SBNO1: variants seen among roughly 807,000 people sequenced by gnomAD.
The protein encoded by SBNO1 is protein strawberry notch homolog 1.
A neutral mutation model predicts 173.6 loss-of-function variants in SBNO1; 23 were observed. That is an observed-to-expected ratio of 0.13 (90% CI 0.10 to 0.19). SBNO1 has a LOEUF of 0.19. SBNO1 is among the 10% of genes least tolerant of loss of function. The pLI, the probability that SBNO1 is intolerant of heterozygous loss-of-function variation, is 1.00. For missense variants in SBNO1, 1,238 were observed against 1,671.2 expected, an observed-to-expected ratio of 0.74 and a Z score of 4.52; for synonymous variants, 632 against 571.5, an observed-to-expected ratio of 1.11 and a Z score of -1.51.
At chr12:123,360,898 G>A (rs1179391698) in intron 1 of SBNO1, among the ~76,000 whole-genome samples, 1 of 151,964 alleles carries the variant, frequency 6.6e-6, no homozygotes, top group African/African-American at 2.4e-5. Context: ...AGATCACGAG[G>A]TCAGGAGATC....
In SBNO1 at chr12:123,350,397, C is replaced by G. The variant is rs1225016162; in HGVS notation, c.45G>C (p.Glu15Asp). Residue 15 changes from glutamate to aspartate, a missense_variant, in exon 2 of 32, where the codon GAG becomes GAC. Transcript: ENST00000602398. ...AGAGGTCATTCGGACTAATTCCACTCTCACTCAAAGCAGCAAGCAGTAAAT... is the reference window on the plus strand; with the variant it reads ...AGAGGTCATTCGGACTAATTCCACTGTCACTCAAAGCAGCAAGCAGTAAAT... ...GQDLLLAALSESGISPNDLFD... is the reference protein window; with the variant it reads ...GQDLLLAALSDSGISPNDLFD... 6.2e-6 allele frequency: 10 copies of G among 1,613,986 alleles called. No individual in the cohort carries two copies. In the Admixed American group the frequency reaches 1.7e-4, roughly 27 times the overall value.
rs886226843 is a variant in SBNO1 at position 123,323,716 on chromosome 12, T to C, written c.2089A>G (p.Ser697Gly). The C allele has an allele frequency of 1.9e-6, 3 of 1,611,190 alleles. No individual in the cohort carries two copies. The highest frequency in any genetic ancestry group is 2.5e-6 in the Non-Finnish European group (3 of 1,179,210). ...APSNNSSPRDSPCKENKIKKR... is the reference protein window; with the variant it reads ...APSNNSSPRDGPCKENKIKKR... ...TTTATTTTATTTTCTTTACAAGGAC[T>C]ATCTCTTGGCGAACTGTTGTTACTT... The change falls in exon 16 of 32, where the codon AGT becomes GGT. Residue 697 changes from serine to glycine, a missense_variant. By Grantham distance (56) the Ser-to-Gly change is moderately conservative. Coordinates refer to ENST00000602398, the MANE Select transcript of SBNO1 (RefSeq NM_001167856.3).
rs1250443574 is a variant in SBNO1 at position 123,290,585 on chromosome 12, AAGGGTGG to A, written c.*5316_*5322del. 3 of 152,080 alleles carry A rather than the reference AAGGGTGG, an allele frequency of 2.0e-5. No homozygotes were observed. Among genetic ancestry groups the A allele is most frequent in the Non-Finnish European group, 4.4e-5 (3 of 68,014 alleles). 9.4% of individuals were successfully genotyped at this position (152,080 alleles called of 1,614,324 possible). On this transcript the variant is annotated 3_prime_UTR_variant, in exon 32 of 32. Coordinates refer to ENST00000602398, the MANE Select transcript of SBNO1 (RefSeq NM_001167856.3). ...GTAGACAAGATCCACTCACCGATAC[AAGGGTGG>A]AGAGCACAGCCGTTCAGGGTACCCC... is the stretch of plus-strand genomic sequence containing the variant.
intron 4 of SBNO1, among the ~76,000 whole-genome samples, chr12:123,343,675 T>G (rs2139049423): frequency 6.6e-6 from 1 of 152,020 alleles, no homozygotes; most frequent in South Asian, 2.1e-4. Flanking sequence ...GTAGCTGGAA[T>G]TACAGGTGCC....
Position 123,290,695 on chromosome 12 carries a change from T to C in SBNO1, c.*5213A>G, listed in dbSNP as rs1239648444. 1 of 152,116 alleles carries C rather than the reference T, an allele frequency of 6.6e-6. No homozygotes were observed. The highest frequency in any genetic ancestry group is 2.1e-4 in the South Asian group (1 of 4,834). The allele number at this position is 152,116 out of a possible 1,614,324, so 9.4% of individuals were successfully genotyped here. ...GCCTAGGAGGCTCCAGAGCAGTTGC[T>C]TGGCTCTCTTTTGGAGGACAATTGT... On this transcript the variant is annotated 3_prime_UTR_variant, in exon 32 of 32. Transcript: ENST00000602398.
At chr12:123,337,794 C>T (rs1434434487) in intron 5 of SBNO1, among the ~76,000 whole-genome samples, 2 of 152,234 alleles carry the variant, frequency 1.3e-5, no homozygotes, top group Middle Eastern at 3.4e-3. Flanking sequence ...CCACCCCCAC[C>T]GTCTAACCCT....
chr12:123,354,390 T>C (rs559395537), intron 1 of SBNO1, among the ~76,000 whole-genome samples: 16 of 152,232 alleles, frequency 1.1e-4, no homozygotes, highest in Admixed American at 6.6e-5. Context: ...TGAAAGAGAT[T>C]TTAATCCTAA....
chr12:123,326,329 G>T lies in SBNO1; in HGVS notation c.1698C>A (p.Val566=). 6.3e-7 allele frequency: 1 copy of T among 1,590,728 alleles called. No individual in the cohort carries two copies. Among genetic ancestry groups the T allele is most frequent in the South Asian group, 1.1e-5 (1 of 87,222 alleles). ...CTTGCTGAAACCGCTCTCTGGCGAT[G>T]ACCCACTGAAGATACATAATCAACA... The part of the protein sequence containing the change: ...KMYNKAVKLW[V]IARERFQQAA... The change falls in exon 14 of 32, where the codon GTC becomes GTA. Residue 566 remains valine (V), a synonymous_variant. Transcript: ENST00000602398.
At chr12:123,317,165 T>C (rs1333419992) in intron 21 of SBNO1, 56 bp downstream of exon 21, 1 of 1,595,916 alleles carries the variant, frequency 6.3e-7, no homozygotes, top group African/African-American at 1.3e-5. Context: ...ATGCGCAAAT[T>C]TACCCCAATG....
chr12:123,334,753 G>C (rs958636504), intron 6 of SBNO1, among the ~76,000 whole-genome samples: 4 of 146,558 alleles, frequency 2.7e-5, no homozygotes, highest in South Asian at 4.3e-4. Flanking sequence ...ATAAAATAGA[G>C]ATTTGCTGAT....
rs1593344904 is a variant in SBNO1 at position 123,313,237 on chromosome 12, TA to T, written c.3220+382del. 5.5e-5 allele frequency among the ~76,000 whole-genome samples: 8 copies of T among 146,182 alleles called. No individual in the cohort carries two copies. The East Asian group carries it at 1.4e-3, about 25-fold the overall frequency. ...ATAAATAAATAAATAAATAAATAAATAAATAAATAAATAAATAATTTTTAAA... is the reference window on the plus strand; with the variant it reads ...ATAAATAAATAAATAAATAAATAAATAATAAATAAATAAATAATTTTTAAA... On this transcript the variant is annotated intron_variant, in intron 24 of 31. Coordinates refer to ENST00000602398, the MANE Select transcript of SBNO1 (RefSeq NM_001167856.3).
intron 1 of SBNO1, among the ~76,000 whole-genome samples, chr12:123,363,432 G>A (rs1875631801): frequency 6.6e-6 from 1 of 152,116 alleles, no homozygotes; most frequent in African/African-American, 2.4e-5. Context: ...TCCTGCTAGG[G>A]CACTCCGGAT....
chr12:123,310,706 T>G (rs1222415087), intron 25 of SBNO1, among the ~76,000 whole-genome samples: 1 of 152,012 alleles, frequency 6.6e-6, no homozygotes, highest in Non-Finnish European at 1.5e-5. Flanking sequence ...GGCTAATTTT[T>G]GTATTTTTAG....
At chr12:123,322,170 T>A (rs1021885130) in intron 16 of SBNO1, among the ~76,000 whole-genome samples, 8 of 152,220 alleles carry the variant, frequency 5.3e-5, no homozygotes, top group Non-Finnish European at 5.9e-5. Context: ...GGCCTCACTG[T>A]TGCCCAGGCT....
At chr12:123,323,863 T>G in intron 15 of SBNO1, 32 bp from the exon 16 acceptor site, 2 of 1,516,962 alleles carry the variant, frequency 1.3e-6, no homozygotes, top group Non-Finnish European at 1.8e-6. Flanking sequence ...AATTACTGCT[T>G]CAGTTGACAA....
chr12:123,337,038 A>C (rs1036102165), intron 5 of SBNO1, among the ~76,000 whole-genome samples: 3 of 152,172 alleles, frequency 2.0e-5, no homozygotes, highest in African/African-American at 7.2e-5. Flanking sequence ...AGAAGACTGG[A>C]GTTTATTTTA....
At chr12:123,348,219 A>T in intron 2 of SBNO1, 86 bp from the exon 3 acceptor site, 1 of 684,964 alleles carries the variant, frequency 1.5e-6, no homozygotes, top group Non-Finnish European at 2.5e-6. Context: ...ATTAAAAAAT[A>T]TCAAGTTTAA....
rs2048518611 is a variant in SBNO1 at position 123,291,930 on chromosome 12, T to C, written c.*3978A>G. The stretch of plus-strand genomic sequence containing the variant: ...TTATCTCAAGTACTCAAAAAAAAAA[T>C]GCTAGCGAGCTTGAGTTGCAGGTAT... On this transcript the variant is annotated 3_prime_UTR_variant, in exon 32 of 32. Coordinates refer to ENST00000602398, the MANE Select transcript of SBNO1 (RefSeq NM_001167856.3). The C allele has an allele frequency of 2.0e-5, 3 of 151,254 alleles. No individual in the cohort carries two copies. Among genetic ancestry groups the C allele is most frequent in the African/African-American group, 7.3e-5 (3 of 41,120 alleles). 9.4% of individuals were successfully genotyped at this position (151,254 alleles called of 1,614,324 possible). A position where few individuals can be genotyped will look rare whatever the true frequency, so the allele number is the denominator to read the frequency against.
At chr12:123,351,192 G>A (rs1209976026) in intron 1 of SBNO1, among the ~76,000 whole-genome samples, 4 of 152,182 alleles carry the variant, frequency 2.6e-5, no homozygotes, top group Non-Finnish European at 5.9e-5. Flanking sequence ...CAGAACAGAA[G>A]TATGGGGCTC....
Sources: allele counts gnomAD v4.1 joint callset (sites outside exome capture counted in the v4.1 genomes callset), GRCh38; gene constraint gnomAD v4.1.1; transcripts MANE v1.5; gene names NCBI Gene and HGNC (gene_info 2026-07-23, HGNC 2026-07-21).